The following PTGER3 variants were observed in gnomAD, a reference collection of about 807,000 sequenced individuals.
PTGER3 encodes the protein prostaglandin E receptor 3, also known as prostaglandin E2 receptor EP3 subtype.
A neutral mutation model predicts 34.7 loss-of-function variants in PTGER3; 22 were observed. The observed-to-expected ratio is 0.63, with a 90% confidence interval of 0.45 to 0.91. The LOEUF (loss-of-function observed/expected upper bound fraction) is 0.91. Among genes scored for constraint, PTGER3 ranks in the 40% least tolerant of loss-of-function variants. The pLI, the probability that PTGER3 is intolerant of heterozygous loss-of-function variation, is 0.00. For synonymous variants in PTGER3, 241 were observed against 230.1 expected, an observed-to-expected ratio of 1.05 and a Z score of -0.43; for missense variants, 468 against 519.4, an observed-to-expected ratio of 0.90 and a Z score of 0.96.
intron 2 of PTGER3, chr1:71,006,830 G>A: frequency 1.0e-6 from 1 of 985,364 alleles, no homozygotes; most frequent in South Asian, 4.7e-5. Context: ...CCTGACGTGA[G>A]TTGACATCAG....
At chr1:71,017,572 G>T (rs1277830690) in intron 1 of PTGER3, among the ~76,000 whole-genome samples, 1 of 152,056 alleles carries the variant, frequency 6.6e-6, no homozygotes, top group African/African-American at 2.4e-5. Context: ...CTGGATCATG[G>T]GGGCAGACTT....
chr1:70,954,323 C>A (rs1651089426), intron 2 of PTGER3, among the ~76,000 whole-genome samples: 1 of 152,102 alleles, frequency 6.6e-6, no homozygotes, highest in Non-Finnish European at 1.5e-5. Context: ...TTGGACCAGT[C>A]TTTATAAAAG....
intron 1 of PTGER3, among the ~76,000 whole-genome samples, chr1:71,013,307 C>A (rs954323058): frequency 6.6e-6 from 1 of 152,062 alleles, no homozygotes; most frequent in East Asian, 1.9e-4. Flanking sequence ...TGTGCGAGAA[C>A]AAATTTTTAT....
At chr1:70,880,382 C>CTTT (rs57067363) in intron 4 of PTGER3, among the ~76,000 whole-genome samples, 1 of 140,358 alleles carries the variant, frequency 7.1e-6, no homozygotes, top group African/African-American at 2.6e-5. Flanking sequence ...TTTCTTTTTT[C>CTTT]TTTTTTTTTT....
At position 70,974,176 on chromosome 1, in the gene PTGER3, G is replaced by A. The variant is rs1180483454; in HGVS notation, c.1169+121C>T. 5.1e-6 allele frequency: 7 copies of A among 1,369,882 alleles called. No individual in the cohort carries two copies. In the East Asian group the frequency reaches 7.8e-5, roughly 15 times the overall value. The allele number at this position is 1,369,882 out of a possible 1,614,324, so 84.9% of individuals were successfully genotyped here. A position where few individuals can be genotyped will look rare whatever the true frequency, so the allele number is the denominator to read the frequency against. ...AGGAATCTAGCACTCTTAATCAGAT[G>A]TATATGTTTAATTTGCATTTTAATT... On this transcript the variant is annotated intron_variant, in intron 3 of 3. Coordinates refer to ENST00000306666, the MANE Select transcript of PTGER3 (RefSeq NM_198719.2).
intron 1 of PTGER3, among the ~76,000 whole-genome samples, chr1:71,031,620 G>C (rs144206123): frequency 7.9e-5 from 12 of 152,266 alleles, no homozygotes; most frequent in African/African-American, 2.4e-4. Flanking sequence ...CATCACAGAG[G>C]CATGCAGCAA....
intron 4 of PTGER3, among the ~76,000 whole-genome samples, chr1:70,934,026 C>A (rs1251351699): frequency 6.6e-6 from 1 of 152,068 alleles, no homozygotes; most frequent in Non-Finnish European, 1.5e-5. Flanking sequence ...ATAAAATCTT[C>A]AAATATCTCA....
chr1:70,922,037 A>G (rs1178307994), intron 4 of PTGER3, among the ~76,000 whole-genome samples: 1 of 152,210 alleles, frequency 6.6e-6, no homozygotes, highest in Non-Finnish European at 1.5e-5. Flanking sequence ...ATGTTTTCAA[A>G]AATGTAAACA....
At chr1:70,933,558 A>G (rs1648928844) in intron 4 of PTGER3, among the ~76,000 whole-genome samples, 1 of 152,208 alleles carries the variant, frequency 6.6e-6, no homozygotes, top group African/African-American at 2.4e-5. Flanking sequence ...ATGATCTCAG[A>G]TTCATTTTTA....
chr1:70,862,295 C>G (rs1456990415), intron 4 of PTGER3: 9 of 1,326,226 alleles, frequency 6.8e-6, no homozygotes, highest in Non-Finnish European at 9.1e-6. Context: ...CTTTGGAGAT[C>G]ATGACTTACA....
At position 70,908,008 on chromosome 1, in the gene PTGER3, C is replaced by T. The variant is rs532822403; in HGVS notation, c.*23+45755G>A. On this transcript the variant is annotated intron_variant, in intron 4 of 4. Coordinates refer to the PTGER3 transcript ENST00000370931. ...GTGGAGCAGGTTCACTGTTGATTCT[C>T]TGACCATATTGTCTCTCCCTTCAGT... 1.2e-4 allele frequency among the ~76,000 whole-genome samples: 18 copies of T among 152,304 alleles called. No individual in the cohort carries two copies. In the South Asian group the frequency reaches 3.5e-3, roughly 30 times the overall value.
At chr1:71,038,114 A>G (rs1300741800) in intron 1 of PTGER3, among the ~76,000 whole-genome samples, 3 of 152,208 alleles carry the variant, frequency 2.0e-5, no homozygotes, top group Non-Finnish European at 4.4e-5. Flanking sequence ...TCACTCTTTC[A>G]TCATTTTCAA....
intron 2 of PTGER3, among the ~76,000 whole-genome samples, chr1:70,963,302 G>T (rs1413925732): frequency 6.6e-6 from 1 of 151,988 alleles, no homozygotes; most frequent in African/African-American, 2.4e-5. Flanking sequence ...CACATTCTGG[G>T]GTCTGCAGGA....
chr1:71,030,776 A>C (rs976548096), intron 1 of PTGER3, among the ~76,000 whole-genome samples: 1 of 152,216 alleles, frequency 6.6e-6, no homozygotes, highest in Non-Finnish European at 1.5e-5. Flanking sequence ...TTGATGAATC[A>C]ATAGCTATTC....
intron 4 of PTGER3, among the ~76,000 whole-genome samples, chr1:70,867,133 CT>C (rs1646059760): frequency 6.6e-6 from 1 of 152,228 alleles, no homozygotes; most frequent in Non-Finnish European, 1.5e-5. Flanking sequence ...CACACTAGTG[CT>C]CTTAGCTTAG....
intron 4 of PTGER3, among the ~76,000 whole-genome samples, chr1:70,855,099 C>G (rs1645771416): frequency 6.6e-6 from 1 of 152,106 alleles, no homozygotes; most frequent in African/African-American, 2.4e-5. Context: ...TAAATGGATA[C>G]AGAGAATGGA....
At chr1:71,033,380 C>A (rs2817863) in intron 1 of PTGER3, among the ~76,000 whole-genome samples, 1 of 152,196 alleles carries the variant, frequency 6.6e-6, no homozygotes, top group Non-Finnish European at 1.5e-5. Context: ...CCCACACATA[C>A]CTTTCTGCAA....
rs202101787 is a variant in PTGER3, at chr1:70,876,281, G to GTT, written c.*24-23424_*24-23423dup. ...CATGTCCATGCCTACTTTTTAATGGGTTTTTTTTTTTTTTGCTTATTAATG... is the reference window on the plus strand; with the variant it reads ...CATGTCCATGCCTACTTTTTAATGGGTTTTTTTTTTTTTTTTGCTTATTAATG... On this transcript the variant is annotated intron_variant, in intron 4 of 4. Coordinates refer to the PTGER3 transcript ENST00000370931. Among the ~76,000 whole-genome samples the GTT allele has an allele frequency of 1.4e-4, 19 of 132,242 alleles. No individual in the cohort carries two copies. In the South Asian group the frequency reaches 1.7e-3, roughly 12 times the overall value. 86.8% of individuals were successfully genotyped at this position (132,242 alleles called of 152,430 possible). A position where few individuals can be genotyped will look rare whatever the true frequency, so the allele number is the denominator to read the frequency against.
chr1:71,011,261 A>G (rs1376619882), intron 2 of PTGER3: 5 of 985,214 alleles, frequency 5.1e-6, no homozygotes, highest in Non-Finnish European at 6.0e-6. Flanking sequence ...TGAAGGGTCA[A>G]TGTTATTAAC....
Sources: allele counts gnomAD v4.1 joint callset (sites outside exome capture counted in the v4.1 genomes callset), GRCh38; gene constraint gnomAD v4.1.1; transcripts MANE v1.5; gene names NCBI Gene and HGNC (gene_info 2026-07-23, HGNC 2026-07-21).